The following CACNA1B variants were observed in gnomAD, a reference collection of about 807,000 sequenced individuals.
CACNA1B encodes the protein calcium voltage-gated channel subunit alpha1 B.
In CACNA1B, 70 loss-of-function variants were observed where a neutral mutation model predicts 247.2. That is an observed-to-expected ratio of 0.28 (90% confidence interval 0.23 to 0.35). The LOEUF (loss-of-function observed/expected upper bound fraction) is 0.35, where lower values mean the gene tolerates loss of function less well. CACNA1B is among the 10% of genes least tolerant of loss of function. CACNA1B has a pLI of 1.00. For synonymous variants in CACNA1B, 1,231 were observed against 1,294.4 expected (o/e 0.95, Z 1.05); for missense variants, 2,367 against 3,197.4 (o/e 0.74, Z 6.26).
At position 137,881,245 on chromosome 9, in the gene CACNA1B, A is replaced by G. The variant is rs994672575; in HGVS notation, c.391-1499A>G. On this transcript the variant is annotated intron_variant, in intron 2 of 46. Coordinates refer to ENST00000371372, the MANE Select transcript of CACNA1B (RefSeq NM_000718.4). The surrounding 1 kb of genome is among the most constrained non-coding windows in gnomAD (Gnocchi z 4.3). The stretch of plus-strand genomic sequence containing the variant: ...CAGACCAGAAGGCTCGAGGCCAGGA[A>G]GAGCATGGGCGAGTCAGCACGGGTC... Among the ~76,000 whole-genome samples, 3 of 152,180 alleles carry G rather than the reference A, an allele frequency of 2.0e-5. No individual in the cohort carries two copies. The highest frequency in any genetic ancestry group is 4.4e-5 in the Non-Finnish European group (3 of 68,008).
chr9:138,070,884 A>G (rs576869819), intron 32 of CACNA1B, among the ~76,000 whole-genome samples: 1 of 152,340 alleles, frequency 6.6e-6, no homozygotes, highest in African/African-American at 2.4e-5. Flanking sequence ...GGAGCCACAG[A>G]GCAGTTTTTC....
chr9:137,914,736 C>T lies in CACNA1B; in HGVS notation c.705C>T (p.Leu235=), dbSNP rs773179550. ...GGCTGCTTCTCTTCTTTGCCATCCTCATGTTTGCCATCATTGGCCTGGAGT... is the reference window on the plus strand; with the variant it reads ...GGCTGCTTCTCTTCTTTGCCATCCTTATGTTTGCCATCATTGGCCTGGAGT... ...QIGLLLFFAI[L]MFAIIGLEFY... is the part of the protein sequence containing the mutation. Residue 235 remains leucine (L), a synonymous_variant, in exon 5 of 47, where the codon CTC becomes CTT. Coordinates refer to ENST00000371372, the MANE Select transcript of CACNA1B (RefSeq NM_000718.4). The surrounding 1 kb of genome is among the most constrained non-coding windows in gnomAD (Gnocchi z 4.3). The T allele has an allele frequency of 1.2e-6, 2 of 1,614,014 alleles. No homozygotes were observed. Among genetic ancestry groups the T allele is most frequent in the Non-Finnish European group, 1.7e-6 (2 of 1,179,888 alleles).
intron 11 of CACNA1B, among the ~76,000 whole-genome samples, chr9:137,975,392 T>C (rs1958207544): frequency 6.6e-6 from 1 of 151,818 alleles, no homozygotes; most frequent in Admixed American, 6.5e-5. Flanking sequence ...GCCGTGGACA[T>C]TGTGGGGAGA....
chr9:138,042,534 G>A lies in CACNA1B; in HGVS notation c.3287-1240G>A, dbSNP rs527682264. On this transcript the variant is annotated intron_variant, in intron 20 of 46. Coordinates refer to ENST00000371372, the MANE Select transcript of CACNA1B (RefSeq NM_000718.4). ...TGGGCATGCTTCATTTCCTTAGTAG[G>A]TAATGTCTAATAAATTAATAGAATT... Among the ~76,000 whole-genome samples, 3 of 152,300 alleles carry A rather than the reference G, an allele frequency of 2.0e-5. No homozygotes were observed. The South Asian group carries it at 6.2e-4, about 32-fold the overall frequency.
intron 36 of CACNA1B, among the ~76,000 whole-genome samples, chr9:138,094,147 G>A (rs1028696511): frequency 3.3e-5 from 5 of 152,118 alleles, no homozygotes; most frequent in Non-Finnish European, 7.4e-5. Context: ...AAGACGTTAT[G>A]TTAGGTGAAA....
intron 3 of CACNA1B, among the ~76,000 whole-genome samples, chr9:137,887,061 C>T (rs1957025429): frequency 6.6e-6 from 1 of 151,368 alleles, no homozygotes; most frequent in Admixed American, 6.6e-5. Flanking sequence ...TGATGGAGAC[C>T]AGGGCACCTG....
chr9:138,022,987 C>CG lies in CACNA1B; in HGVS notation c.2268-23dup, dbSNP rs931951446. On this transcript the variant is annotated intron_variant, in intron 18 of 46. Coordinates refer to ENST00000371372, the MANE Select transcript of CACNA1B (RefSeq NM_000718.4). ...GGCGGGCGGGCGGCAGACGGGGCCG[C>CG]GCTCACCGCCAGTCTCCCCGCAGCA... 3.1e-5 allele frequency: 46 copies of CG among 1,467,492 alleles called. No individual in the cohort carries two copies. In the African/African-American group the frequency reaches 5.8e-4, roughly 19 times the overall value. The allele number at this position is 1,467,492 out of a possible 1,614,324, so 90.9% of individuals were successfully genotyped here. A position where few individuals can be genotyped will look rare whatever the true frequency, so the allele number is the denominator to read the frequency against.
At chr9:138,008,041 C>T (rs1958676102) in intron 16 of CACNA1B, among the ~76,000 whole-genome samples, 1 of 152,204 alleles carries the variant, frequency 6.6e-6, no homozygotes, top group Non-Finnish European at 1.5e-5. Context: ...CAGCTCAGGG[C>T]CTGGTCCCCA....
chr9:138,064,954 T>C (rs1357095533), intron 31 of CACNA1B, among the ~76,000 whole-genome samples: 2 of 152,226 alleles, frequency 1.3e-5, no homozygotes, highest in East Asian at 3.9e-4. Context: ...GGATCGTACA[T>C]GATAGGTTCT....
Position 138,121,432 on chromosome 9 carries a change from T to C in CACNA1B, c.6490-37T>C. ...GTTGGTTCGGCTTTTTTTTTTTTTT[T>C]TTTACCTCTGATTTGTTCTGGTCCA... On this transcript the variant is annotated intron_variant, in intron 46 of 46. Transcript: ENST00000371372. This position sits in a 1 kb window ranked among gnomAD's most constrained non-coding sequence, Gnocchi z 6.8. 1.4e-6 allele frequency: 2 copies of C among 1,410,650 alleles called. No individual in the cohort carries two copies. Among genetic ancestry groups the C allele is most frequent in the Non-Finnish European group, 1.9e-6 (2 of 1,063,702 alleles). The allele number at this position is 1,410,650 out of a possible 1,614,324, so 87.4% of individuals were successfully genotyped here.
chr9:138,055,212 G>A (rs989960790), intron 26 of CACNA1B, among the ~76,000 whole-genome samples: 1 of 149,794 alleles, frequency 6.7e-6, no homozygotes, highest in African/African-American at 2.5e-5. Context: ...ATGCAGCCTC[G>A]AACTGTCAGG....
At chr9:138,055,495 A>G (rs1416260874) in intron 26 of CACNA1B, among the ~76,000 whole-genome samples, 1 of 152,044 alleles carries the variant, frequency 6.6e-6, no homozygotes, top group African/African-American at 2.4e-5. Flanking sequence ...TACTCTTTAT[A>G]TCCTGTTTAA....
chr9:138,086,695 C>G (rs1168669602), intron 36 of CACNA1B, among the ~76,000 whole-genome samples: 2 of 151,344 alleles, frequency 1.3e-5, no homozygotes, highest in Non-Finnish European at 2.9e-5. Context: ...GAGATAGATT[C>G]CAGCACAGTG....
At chr9:138,061,402 C>G (rs970052613) in intron 31 of CACNA1B, among the ~76,000 whole-genome samples, 4 of 152,166 alleles carry the variant, frequency 2.6e-5, no homozygotes, top group African/African-American at 9.7e-5. Flanking sequence ...GAGACAGGCC[C>G]CTTCTTCTTT....
Position 138,058,326 on chromosome 9 carries a change from C to A in CACNA1B, c.4308+76C>A. The A allele has an allele frequency of 7.8e-7, 1 of 1,286,670 alleles. No individual in the cohort carries two copies. The highest frequency in any genetic ancestry group is 1.1e-6 in the Non-Finnish European group (1 of 892,834). 79.7% of individuals were successfully genotyped at this position (1,286,670 alleles called of 1,614,324 possible). A position where few individuals can be genotyped will look rare whatever the true frequency, so the allele number is the denominator to read the frequency against. ...TCAGGCTTCCCTCCTGCACACAAAT[C>A]ACTCACAGCTGGGTCAGCTTTGGCT... On this transcript the variant is annotated intron_variant, in intron 28 of 46. Coordinates refer to ENST00000371372, the MANE Select transcript of CACNA1B (RefSeq NM_000718.4). The surrounding 1 kb of genome is among the most constrained non-coding windows in gnomAD (Gnocchi z 4.7).
intron 21 of CACNA1B, among the ~76,000 whole-genome samples, chr9:138,044,731 A>C (rs1207710818): frequency 5.9e-5 from 9 of 152,198 alleles, no homozygotes; most frequent in Admixed American, 5.9e-4. Context: ...GCAAGGCTGC[A>C]TGGACGTACC....
At chr9:138,005,756 A>G (rs1958639164) in intron 15 of CACNA1B, among the ~76,000 whole-genome samples, 1 of 152,208 alleles carries the variant, frequency 6.6e-6, no homozygotes, top group Non-Finnish European at 1.5e-5. Flanking sequence ...AAAAGAATTA[A>G]AAAACGGCAG....
intron 3 of CACNA1B, among the ~76,000 whole-genome samples, chr9:137,903,004 G>T (rs1195011163): frequency 6.6e-6 from 1 of 152,184 alleles, no homozygotes. Context: ...AAACCAAAAC[G>T]CATACCTATA....
chr9:137,968,408 C>A (rs1205215624), intron 10 of CACNA1B, among the ~76,000 whole-genome samples: 1 of 152,238 alleles, frequency 6.6e-6, no homozygotes, highest in Non-Finnish European at 1.5e-5. Context: ...TGCTGTCTCA[C>A]TGAATCCCAC....
Sources: gnomAD v4.1 joint callset for allele counts (sites outside exome capture counted in the v4.1 genomes callset) on GRCh38, gnomAD v4.1.1 for gene constraint, Gnocchi (gnomAD v3.1) non-coding constraint, MANE v1.5 for transcripts, NCBI Gene and HGNC (gene_info 2026-07-23, HGNC 2026-07-21) for gene names.